The following DNMBP variants were observed in gnomAD, a reference collection of about 807,000 sequenced individuals.
DNMBP encodes the protein dynamin-binding protein.
Under a neutral mutation model 150.0 loss-of-function variants are expected in DNMBP, and 87 were observed. That is an observed-to-expected ratio of 0.58 (90% CI 0.49 to 0.69). The LOEUF (loss-of-function observed/expected upper bound fraction) is 0.69. Ranked by LOEUF, DNMBP falls within the 30% of genes least tolerant of loss-of-function variation. DNMBP has a pLI of 0.00. For missense variants in DNMBP, 1,774 were observed against 1,949.0 expected, an observed-to-expected ratio of 0.91 and a Z score of 1.69; for synonymous variants, 711 against 750.4, an observed-to-expected ratio of 0.95 and a Z score of 0.86.
intron 4 of DNMBP, among the ~76,000 whole-genome samples, chr10:99,915,684 C>T (rs572182360): frequency 6.6e-6 from 1 of 152,266 alleles, no homozygotes; most frequent in South Asian, 2.1e-4. Context: ...CACTGCACAC[C>T]AGCCTGGACA....
In DNMBP at chr10:99,877,309, C is replaced by A. The variant is rs1307886283; in HGVS notation, c.4576G>T (p.Ala1526Ser). Residue 1526 changes from alanine (A) to serine (S), a missense_variant, in exon 17 of 17, where the codon GCA becomes TCA. By Grantham distance (99) the Ala-to-Ser change is moderately conservative (BLOSUM62 1). This residue lies in a region of DNMBP where 1,430 missense variants were observed against 1,492.5 expected (regional missense o/e 0.96). Transcript: ENST00000324109. ...QVYFAVYTFKARNPNELSVSA... is the reference protein window; with the variant it reads ...QVYFAVYTFKSRNPNELSVSA... ...ACGCTCAGCTCATTTGGGTTTCGTG[C>A]CTTGAAGGTGTAGACAGCAAAATAG... 1.2e-6 allele frequency: 2 copies of A among 1,612,952 alleles called. No homozygotes were observed. The highest frequency in any genetic ancestry group is 2.2e-5 in the East Asian group (1 of 44,812).
intron 1 of DNMBP, among the ~76,000 whole-genome samples, chr10:100,000,530 C>G (rs1210632262): frequency 6.6e-6 from 1 of 152,074 alleles, no homozygotes; most frequent in Non-Finnish European, 1.5e-5. Context: ...TTCTCTGTGT[C>G]TGGGTGGATG....
At chr10:99,916,031 G>A (rs1463966105) in intron 4 of DNMBP, among the ~76,000 whole-genome samples, 1 of 152,204 alleles carries the variant, frequency 6.6e-6, no homozygotes, top group East Asian at 1.9e-4. Context: ...GCAAAGTGGT[G>A]CAATTCTAGA....
At position 99,897,969 on chromosome 10, in the gene DNMBP, C is replaced by T. The variant is rs2039680285; in HGVS notation, c.2920+117G>A. 3 of 780,488 alleles carry T rather than the reference C, an allele frequency of 3.8e-6. No homozygotes were observed. The African/African-American group carries it at 5.2e-5, about 13-fold the overall frequency. 48.3% of individuals were successfully genotyped at this position (780,488 alleles called of 1,614,324 possible). ...CCCAAATTCTACCATTTCTTCATCA[C>T]AGCCCTATTATACCTACCACCTGCC... On this transcript the variant is annotated intron_variant, in intron 9 of 16. Transcript: ENST00000324109.
At chr10:99,947,981 G>C (rs1045695415) in intron 4 of DNMBP, among the ~76,000 whole-genome samples, 1 of 152,072 alleles carries the variant, frequency 6.6e-6, no homozygotes, top group African/African-American at 2.4e-5. Flanking sequence ...ATTTAAAAAT[G>C]AAATTTAAGA....
chr10:99,897,915 A>G (rs911892372), intron 9 of DNMBP, 171 bp downstream of exon 9: 2 of 630,898 alleles, frequency 3.2e-6, no homozygotes, highest in East Asian at 2.8e-5. Flanking sequence ...TCTGTCTCAA[A>G]AAAAATAATA....
At chr10:99,961,668 T>G (rs1034144652) in intron 3 of DNMBP, among the ~76,000 whole-genome samples, 4 of 152,256 alleles carry the variant, frequency 2.6e-5, no homozygotes, top group African/African-American at 9.6e-5. Flanking sequence ...TACCAATTGA[T>G]TCATGACAAA....
chr10:99,878,181 A>G lies in DNMBP; in HGVS notation c.4549-845T>C, dbSNP rs545738461. Among the ~76,000 whole-genome samples the G allele has an allele frequency of 1.4e-4, 21 of 152,352 alleles. No homozygotes were observed. In the South Asian group the frequency reaches 3.9e-3, roughly 29 times the overall value. On this transcript the variant is annotated intron_variant, in intron 16 of 16. Coordinates refer to ENST00000324109, the MANE Select transcript of DNMBP (RefSeq NM_015221.4). ...CATACTCTTCCATACCTCCAACACA[A>G]ATTATGAAAAAGAAAAACCAGAAAA...
At chr10:99,905,683 T>A (rs2039817154) in intron 6 of DNMBP, among the ~76,000 whole-genome samples, 1 of 152,178 alleles carries the variant, frequency 6.6e-6, no homozygotes, top group Non-Finnish European at 1.5e-5. Context: ...CAAGACCTTG[T>A]CTCAAAAACA....
chr10:99,916,941 G>A (rs1427548240), intron 4 of DNMBP, among the ~76,000 whole-genome samples: 3 of 152,178 alleles, frequency 2.0e-5, no homozygotes, highest in Admixed American at 2.0e-4. Flanking sequence ...GGCGGAGGGT[G>A]CAGTGAGCGA....
intron 14 of DNMBP, among the ~76,000 whole-genome samples, chr10:99,885,097 T>A (rs2039436418): frequency 6.6e-6 from 1 of 152,180 alleles, no homozygotes. Context: ...CATTAACTGT[T>A]TAGCTGTATT....
chr10:99,915,418 T>G (rs2039955122), intron 4 of DNMBP, among the ~76,000 whole-genome samples: 2 of 142,308 alleles, frequency 1.4e-5, no homozygotes, highest in Non-Finnish European at 3.1e-5. Flanking sequence ...AAAAAAAAAG[T>G]CATACTGGCT....
chr10:99,985,823 T>C (rs2040821816), intron 1 of DNMBP, among the ~76,000 whole-genome samples: 2 of 152,198 alleles, frequency 1.3e-5, no homozygotes, highest in Admixed American at 1.3e-4. Context: ...CAATCTCAGC[T>C]CACTGCAACC....
At chr10:99,904,281 TA>T (rs2039789933) in intron 6 of DNMBP, among the ~76,000 whole-genome samples, 1 of 151,334 alleles carries the variant, frequency 6.6e-6, no homozygotes, top group African/African-American at 2.4e-5. Context: ...CTGGACATGG[TA>T]AAACTAAGCA....
chr10:99,941,824 A>G (rs1241522119), intron 4 of DNMBP, among the ~76,000 whole-genome samples: 1 of 152,098 alleles, frequency 6.6e-6, no homozygotes, highest in African/African-American at 2.4e-5. Context: ...ACTGGCTCTA[A>G]CTCAAAATAT....
chr10:99,919,373 AG>A (rs1415187739), intron 4 of DNMBP, among the ~76,000 whole-genome samples: 1 of 152,202 alleles, frequency 6.6e-6, no homozygotes, highest in Admixed American at 6.5e-5. Context: ...CACTTTCTTC[AG>A]TTTATATTAA....
intron 4 of DNMBP, 22 bp from the exon 5 acceptor site, chr10:99,909,168 G>T: frequency 1.3e-6 from 2 of 1,596,436 alleles, no homozygotes; most frequent in Non-Finnish European, 1.7e-6. Context: ...AAGAGAACTG[G>T]TTAGCAGCTC....
At chr10:99,966,955 ATTTAAT>A (rs2040624849) in intron 3 of DNMBP, among the ~76,000 whole-genome samples, 1 of 150,530 alleles carries the variant, frequency 6.6e-6, no homozygotes, top group Admixed American at 6.6e-5. Flanking sequence ...TGCCTGGCTA[ATTTAAT>A]TTTTTTTTTT....
intron 4 of DNMBP, among the ~76,000 whole-genome samples, chr10:99,939,912 C>G (rs2040275669): frequency 1.3e-5 from 2 of 152,230 alleles, no homozygotes; most frequent in Admixed American, 1.3e-4. Context: ...AGGAGGACCA[C>G]TGTCCACATC....
Sources: gnomAD v4.1 joint callset for allele counts (sites outside exome capture counted in the v4.1 genomes callset) on GRCh38, gnomAD v4.1.1 for gene constraint, gnomAD v4.1.1 regional missense constraint, MANE v1.5 for transcripts, NCBI Gene and HGNC (gene_info 2026-07-23, HGNC 2026-07-21) for gene names.